The following SNTG1 variants were observed in gnomAD, a reference collection of about 807,000 sequenced individuals.
SNTG1 encodes syntrophin gamma 1.
SNTG1 carries 39 observed loss-of-function variants against 74.7 expected under a neutral mutation model. That is an observed-to-expected ratio of 0.52 (90% CI 0.40 to 0.68). The LOEUF (loss-of-function observed/expected upper bound fraction) is 0.68, where lower values mean the gene tolerates loss of function less well. SNTG1 is among the 30% of genes least tolerant of loss of function. The pLI is 0.00. For synonymous variants in SNTG1, 254 were observed against 217.1 expected (o/e 1.17, Z -1.49); for missense variants, 685 against 609.5 (o/e 1.12, Z -1.30).
intron 15 of SNTG1, among the ~76,000 whole-genome samples, chr8:50,698,764 C>T (rs913928071): frequency 6.6e-6 from 1 of 152,160 alleles, no homozygotes; most frequent in African/African-American, 2.4e-5. Context: ...GTACTTCTTA[C>T]AGTCTCCCAG....
At chr8:50,762,669 C>G (rs1459993802) in intron 18 of SNTG1, 1 of 463,708 alleles carries the variant, frequency 2.2e-6, no homozygotes, top group East Asian at 6.0e-5. Flanking sequence ...AATCCAACAG[C>G]CTGACCTGTC....
chr8:50,573,976 A>G (rs1409787522), intron 12 of SNTG1, among the ~76,000 whole-genome samples: 2 of 152,052 alleles, frequency 1.3e-5, no homozygotes, highest in African/African-American at 4.8e-5. Flanking sequence ...TTAATAAAAT[A>G]GGATGATCTT....
At chr8:50,429,621 G>A (rs1451452740) in intron 4 of SNTG1, among the ~76,000 whole-genome samples, 1 of 152,052 alleles carries the variant, frequency 6.6e-6, no homozygotes, top group African/African-American at 2.4e-5. Flanking sequence ...ACAAAACACA[G>A]AAAAAACAGA....
intron 2 of SNTG1, among the ~76,000 whole-genome samples, chr8:50,308,405 A>C (rs2089983235): frequency 6.6e-6 from 1 of 151,640 alleles, no homozygotes; most frequent in African/African-American, 2.4e-5. Context: ...GTTCACTTGT[A>C]TTTTCTTCTT....
intron 15 of SNTG1, among the ~76,000 whole-genome samples, chr8:50,702,209 A>G (rs12549578): frequency 0.94 from 142,950 of 152,130 alleles, 67,206 homozygotes; most frequent in East Asian, 1. Flanking sequence ...TTACTTGTGT[A>G]GTTATTATCT....
chr8:50,689,961 C>T (rs1313453415), intron 15 of SNTG1, among the ~76,000 whole-genome samples: 1 of 152,132 alleles, frequency 6.6e-6, no homozygotes, highest in Non-Finnish European at 1.5e-5. Context: ...TCAACTTCTT[C>T]CTGGTTTAGT....
intron 1 of SNTG1, among the ~76,000 whole-genome samples, chr8:49,939,708 T>TAACC (rs1808508379): frequency 1.3e-5 from 2 of 152,192 alleles, no homozygotes; most frequent in African/African-American, 2.4e-5. Flanking sequence ...CATTAAGCCT[T>TAACC]TTAAAATAAC....
intron 1 of SNTG1, among the ~76,000 whole-genome samples, chr8:49,962,440 A>T (rs1034802587): frequency 6.6e-6 from 1 of 152,000 alleles, no homozygotes. Context: ...TATATCACAT[A>T]TAAATGAGTC....
chr8:50,023,242 T>C (rs1437342780), intron 1 of SNTG1, among the ~76,000 whole-genome samples: 1 of 152,106 alleles, frequency 6.6e-6, no homozygotes, highest in East Asian at 1.9e-4. Context: ...GCGGTGATAT[T>C]AACAATCAGA....
intron 2 of SNTG1, among the ~76,000 whole-genome samples, chr8:50,390,045 C>G (rs1268655428): frequency 2.0e-5 from 3 of 151,922 alleles, no homozygotes; most frequent in Non-Finnish European, 4.4e-5. Flanking sequence ...TCTGTTCACT[C>G]TGATGGTAGT....
At chr8:49,947,045 A>T (rs1363769598) in intron 1 of SNTG1, among the ~76,000 whole-genome samples, 1 of 152,216 alleles carries the variant, frequency 6.6e-6, no homozygotes, top group Non-Finnish European at 1.5e-5. Flanking sequence ...CATGCCTGTA[A>T]TCCCAGCACT....
At chr8:50,207,479 G>A (rs935114451) in intron 2 of SNTG1, among the ~76,000 whole-genome samples, 1 of 151,964 alleles carries the variant, frequency 6.6e-6, no homozygotes, top group Non-Finnish European at 1.5e-5. Context: ...AGTCTTGCTA[G>A]TGGTTTATCG....
At chr8:49,974,603 C>T (rs1342858206) in intron 1 of SNTG1, among the ~76,000 whole-genome samples, 1 of 152,090 alleles carries the variant, frequency 6.6e-6, no homozygotes, top group Non-Finnish European at 1.5e-5. Flanking sequence ...ATAGTCCTCA[C>T]GTGCCAGATC....
intron 4 of SNTG1, among the ~76,000 whole-genome samples, chr8:50,416,689 A>T (rs1364978806): frequency 6.6e-6 from 1 of 152,140 alleles, no homozygotes; most frequent in Admixed American, 6.6e-5. Flanking sequence ...GTTTATGACT[A>T]CTTATATTCA....
At chr8:50,710,192 A>G (rs947444274) in intron 17 of SNTG1, among the ~76,000 whole-genome samples, 3 of 152,166 alleles carry the variant, frequency 2.0e-5, no homozygotes, top group Non-Finnish European at 1.5e-5. Flanking sequence ...GACAGCACAC[A>G]TTTGCTGGTC....
chr8:50,484,105 T>TTTCC (rs1260655427), intron 8 of SNTG1, among the ~76,000 whole-genome samples: 1 of 71,708 alleles, frequency 1.4e-5, no homozygotes, highest in Non-Finnish European at 2.8e-5. Context: ...TCTTTCTCTC[T>TTTCC]TTCTTTCTTT....
At chr8:50,673,015 T>G (rs2095292364) in intron 15 of SNTG1, among the ~76,000 whole-genome samples, 1 of 152,220 alleles carries the variant, frequency 6.6e-6, no homozygotes, top group Admixed American at 6.5e-5. Context: ...GTATTATTTC[T>G]GAAGTCTCTG....
chr8:50,159,893 GT>G (rs1177992646), intron 1 of SNTG1, among the ~76,000 whole-genome samples: 1 of 152,124 alleles, frequency 6.6e-6, no homozygotes, highest in African/African-American at 2.4e-5. Flanking sequence ...ACCAGCAGCA[GT>G]TGAAGAAATT....
chr8:50,182,851 A>G (rs2083254357), intron 2 of SNTG1, among the ~76,000 whole-genome samples: 1 of 152,002 alleles, frequency 6.6e-6, no homozygotes, highest in East Asian at 1.9e-4. Context: ...GAAATTTTCT[A>G]TTGAGATGAG....
Sources: gnomAD v4.1 joint callset for allele counts (sites outside exome capture counted in the v4.1 genomes callset) on GRCh38, gnomAD v4.1.1 for gene constraint, MANE v1.5 for transcripts, NCBI Gene and HGNC (gene_info 2026-07-23, HGNC 2026-07-21) for gene names.